The following FRMD4B variants were observed in gnomAD, a reference collection of about 807,000 sequenced individuals.
The protein encoded by FRMD4B is FERM domain containing 4B, also known as FERM domain-containing protein 4B.
FRMD4B carries 74 observed loss-of-function variants against 141.5 expected under a neutral mutation model. The observed-to-expected ratio is 0.52, with a 90% CI of 0.43 to 0.63. The LOEUF is 0.63. Among genes scored for constraint, FRMD4B ranks in the 30% least tolerant of loss-of-function variants. The pLI is 0.00. For missense variants in FRMD4B, 1,366 were observed against 1,253.4 expected, an observed-to-expected ratio of 1.09 and a Z score of -1.36; for synonymous variants, 506 against 467.9, an observed-to-expected ratio of 1.08 and a Z score of -1.05.
chr3:69,215,895 T>A, intron 11 of FRMD4B, among the ~76,000 whole-genome samples: 1 of 151,906 alleles, frequency 6.6e-6, no homozygotes, highest in Non-Finnish European at 1.5e-5. Flanking sequence ...GGCTCACGCC[T>A]ATAATCCCAG....
chr3:69,310,703 ATATT>A (rs1264599493), intron 3 of FRMD4B, among the ~76,000 whole-genome samples: 1 of 152,088 alleles, frequency 6.6e-6, no homozygotes, highest in Non-Finnish European at 1.5e-5. Context: ...GGGAGCATAT[ATATT>A]GTTGACAAAT....
chr3:69,360,601 T>A (rs1374220154), intron 1 of FRMD4B, among the ~76,000 whole-genome samples: 3 of 152,186 alleles, frequency 2.0e-5, no homozygotes, highest in Non-Finnish European at 4.4e-5. Flanking sequence ...CTCTCTCTCA[T>A]TGCAATTCAT....
intron 8 of FRMD4B, among the ~76,000 whole-genome samples, chr3:69,222,866 C>T (rs2093210509): frequency 6.6e-6 from 1 of 152,222 alleles, no homozygotes; most frequent in Admixed American, 6.5e-5. Flanking sequence ...ATATAATACA[C>T]ATAAAATAAT....
chr3:69,449,147 T>C (rs568421881), intron 1 of FRMD4B, among the ~76,000 whole-genome samples: 1 of 152,288 alleles, frequency 6.6e-6, no homozygotes, highest in Non-Finnish European at 1.5e-5. Flanking sequence ...CCTCTCAAGA[T>C]CTATAAATGC....
In FRMD4B at chr3:69,181,479, G is replaced by C. The variant is rs752212791; in HGVS notation, c.2271C>G (p.Asp757Glu). 3.7e-6 allele frequency: 6 copies of C among 1,613,244 alleles called. No individual in the cohort carries two copies. The highest frequency in any genetic ancestry group is 4.2e-6 in the Non-Finnish European group (5 of 1,179,308). ...ACCTCCTCCGACCCCTGGTGCGAGT[G>C]TCCAGGGTCTGGGTGGTGTAATAGG... is the stretch of plus-strand genomic sequence containing the variant. ...TGPYYTTQTLDTRTRGRRRSK... is the reference protein window; with the variant it reads ...TGPYYTTQTLETRTRGRRRSK... Residue 757 changes from aspartate (D) to glutamate (E), a missense_variant, in exon 21 of 23, where the codon GAC becomes GAG. Coordinates refer to ENST00000398540, the MANE Select transcript of FRMD4B (RefSeq NM_015123.3).
intron 1 of FRMD4B, among the ~76,000 whole-genome samples, chr3:69,493,703 A>ATC (rs1040558140): frequency 1.3e-5 from 2 of 149,862 alleles, no homozygotes; most frequent in African/African-American, 4.9e-5. Context: ...CTCTCTCTCC[A>ATC]TCTCTCTCTC....
intron 7 of FRMD4B, among the ~76,000 whole-genome samples, chr3:69,226,458 G>A (rs562431507): frequency 6.7e-6 from 1 of 148,886 alleles, no homozygotes; most frequent in Admixed American, 6.7e-5. Flanking sequence ...AAAACTGTCA[G>A]ATACCTTTAC....
chr3:69,272,267 C>T (rs1347350164), intron 5 of FRMD4B, among the ~76,000 whole-genome samples: 1 of 152,118 alleles, frequency 6.6e-6, no homozygotes, highest in Non-Finnish European at 1.5e-5. Flanking sequence ...TCTCAGCCTC[C>T]TGAGTATTGG....
chr3:69,317,905 A>C (rs1352862824), intron 1 of FRMD4B, among the ~76,000 whole-genome samples: 1 of 151,948 alleles, frequency 6.6e-6, no homozygotes, highest in Non-Finnish European at 1.5e-5. Context: ...CTTGAGTTTC[A>C]TGAAACACCC....
At position 69,358,894 on chromosome 3, in the gene FRMD4B, C is replaced by T. The variant is rs536528013; in HGVS notation, c.162+26934G>A. Among the ~76,000 whole-genome samples, 5 of 152,280 alleles carry T rather than the reference C, an allele frequency of 3.3e-5. No homozygotes were observed. The East Asian group carries it at 9.7e-4, about 29-fold the overall frequency. ...CATTTTTCCTGTTTCTTCCTGTGAA[C>T]CTGTGCACCCTTCTGCCTTCAGCCA... On this transcript the variant is annotated intron_variant, in intron 1 of 22. Transcript: ENST00000398540.
chr3:69,378,658 G>A (rs908580736), intron 1 of FRMD4B, among the ~76,000 whole-genome samples: 13 of 152,066 alleles, frequency 8.5e-5, no homozygotes, highest in South Asian at 2.1e-4. Context: ...TCCGCCTCAC[G>A]GCTGCCAGTG....
chr3:69,453,884 A>G (rs982905787), intron 1 of FRMD4B, among the ~76,000 whole-genome samples: 2 of 152,140 alleles, frequency 1.3e-5, no homozygotes, highest in African/African-American at 2.4e-5. Flanking sequence ...TGGATGTGAA[A>G]GGAGGGAGGC....
At chr3:69,248,762 A>G (rs959754583) in intron 7 of FRMD4B, among the ~76,000 whole-genome samples, 1 of 152,268 alleles carries the variant, frequency 6.6e-6, no homozygotes, top group African/African-American at 2.4e-5. Context: ...CAACAATACA[A>G]CTGTTAGGTC....
rs182629687 is a variant in FRMD4B, at chr3:69,345,619, T to C, written c.163-32102A>G. Among the ~76,000 whole-genome samples, 364 of 152,226 alleles carry C rather than the reference T, an allele frequency of 2.4e-3. 1 individual carries two copies. Among genetic ancestry groups the C allele is most frequent in the African/African-American group, 7.9e-3 (327 of 41,540 alleles). ...CAGACTGACACCTCACACAGCCGGGTAGTCCTCTGAGACAAAGCCAAAGAA... is the reference window on the plus strand; with the variant it reads ...CAGACTGACACCTCACACAGCCGGGCAGTCCTCTGAGACAAAGCCAAAGAA... On this transcript the variant is annotated intron_variant, in intron 1 of 22. Coordinates refer to ENST00000398540, the MANE Select transcript of FRMD4B (RefSeq NM_015123.3).
At chr3:69,402,746 T>C (rs927733864) in intron 2 of FRMD4B, among the ~76,000 whole-genome samples, 1 of 152,118 alleles carries the variant, frequency 6.6e-6, no homozygotes, top group Non-Finnish European at 1.5e-5. Context: ...CAGTATGACA[T>C]GAGGGTAGGT....
chr3:69,190,406 CTT>C (rs59199350), intron 17 of FRMD4B, among the ~76,000 whole-genome samples: 82 of 144,334 alleles, frequency 5.7e-4, no homozygotes, highest in South Asian at 1.9e-3. Context: ...AAGAAAAGGC[CTT>C]TTTTTTTTTT....
intron 1 of FRMD4B, among the ~76,000 whole-genome samples, chr3:69,484,367 C>G (rs1001144412): frequency 6.6e-6 from 1 of 152,086 alleles, no homozygotes. Flanking sequence ...TATATTTGTA[C>G]CAGGTGCTAT....
intron 1 of FRMD4B, among the ~76,000 whole-genome samples, chr3:69,483,889 T>C (rs10510977): frequency 6.6e-6 from 1 of 152,114 alleles, no homozygotes; most frequent in African/African-American, 2.4e-5. Context: ...AACAAATAAA[T>C]AATGAAACCA....
chr3:69,338,994 T>C (rs1190714602), intron 1 of FRMD4B, among the ~76,000 whole-genome samples: 3 of 152,156 alleles, frequency 2.0e-5, no homozygotes, highest in Admixed American at 6.5e-5. Flanking sequence ...CATGGGTTAA[T>C]ATCCAAGCAC....
Sources: allele counts gnomAD v4.1 joint callset (sites outside exome capture counted in the v4.1 genomes callset), GRCh38; gene constraint gnomAD v4.1.1; transcripts MANE v1.5; gene names NCBI Gene and HGNC (gene_info 2026-07-23, HGNC 2026-07-21).